Variants in EXOC4 observed in about 807,000 individuals in gnomAD.
The protein encoded by EXOC4 is SEC8-like 1.
EXOC4 carries 71 observed loss-of-function variants against 107.2 expected under a neutral mutation model. The observed-to-expected ratio is 0.66, with a 90% CI of 0.55 to 0.81. The LOEUF is 0.81. Among genes scored for constraint, EXOC4 ranks in the 30% least tolerant of loss-of-function variants. EXOC4 has a pLI of 0.00. For missense variants in EXOC4, 1,108 were observed against 1,189.6 expected, an observed-to-expected ratio of 0.93 and a Z score of 1.01; for synonymous variants, 456 against 441.2, an observed-to-expected ratio of 1.03 and a Z score of -0.42.
chr7:133,649,480 T>C (rs1562891233), intron 10 of EXOC4, among the ~76,000 whole-genome samples: 1 of 118,186 alleles, frequency 8.5e-6, no homozygotes, highest in African/African-American at 3.0e-5. Flanking sequence ...TTTTTTTTTT[T>C]TTTTTAACCA....
chr7:133,746,794 G>T (rs1795686404), intron 10 of EXOC4, among the ~76,000 whole-genome samples: 1 of 152,150 alleles, frequency 6.6e-6, no homozygotes, highest in African/African-American at 2.4e-5. Context: ...AGCCAGAGAT[G>T]CAGCCCATCT....
At chr7:133,560,182 A>G (rs1563108193) in intron 9 of EXOC4, among the ~76,000 whole-genome samples, 1 of 152,190 alleles carries the variant, frequency 6.6e-6, no homozygotes, top group Admixed American at 6.5e-5. Context: ...TAGAATCAGC[A>G]TGTCACGTTC....
the EXOC4 span, among the ~76,000 whole-genome samples, chr7:134,093,446 A>G: frequency 6.6e-6 from 1 of 152,206 alleles, no homozygotes; most frequent in Non-Finnish European, 1.5e-5. Flanking sequence ...GATCTACAAA[A>G]AGATTTTAGA....
intron 10 of EXOC4, among the ~76,000 whole-genome samples, chr7:133,743,992 G>A (rs1207194866): frequency 6.6e-6 from 1 of 152,064 alleles, no homozygotes; most frequent in Non-Finnish European, 1.5e-5. Flanking sequence ...CATTTTTTAT[G>A]TTCATTTACA....
intron 11 of EXOC4, among the ~76,000 whole-genome samples, chr7:133,842,124 G>C (rs1005753277): frequency 3.3e-5 from 5 of 152,182 alleles, no homozygotes; most frequent in Non-Finnish European, 7.4e-5. Flanking sequence ...ATGTTTGCAT[G>C]TGTCTTTATG....
At chr7:133,547,455 C>T (rs1219660552) in intron 9 of EXOC4, among the ~76,000 whole-genome samples, 6 of 152,098 alleles carry the variant, frequency 3.9e-5, no homozygotes, top group Non-Finnish European at 7.4e-5. Flanking sequence ...AATAAGGTAA[C>T]AATGAAGCTT....
intron 9 of EXOC4, among the ~76,000 whole-genome samples, chr7:133,531,379 C>T (rs887390434): frequency 5.3e-5 from 8 of 152,166 alleles, no homozygotes; most frequent in East Asian, 3.9e-4. Flanking sequence ...TGTAATAAAC[C>T]GTTTCATGTT....
intron 17 of EXOC4, among the ~76,000 whole-genome samples, chr7:134,056,139 AT>A (rs1795916497): frequency 6.6e-6 from 1 of 152,224 alleles, no homozygotes; most frequent in African/African-American, 2.4e-5. Flanking sequence ...TCACTAAAGT[AT>A]ATAATACAAT....
intron 10 of EXOC4, among the ~76,000 whole-genome samples, chr7:133,672,390 A>T (rs920343965): frequency 1.6e-5 from 2 of 129,018 alleles, no homozygotes; most frequent in African/African-American, 6.4e-5. Flanking sequence ...GACTCCGTTT[A>T]AAAAAAAAAA....
At chr7:134,042,030 A>C (rs1161775722) in intron 17 of EXOC4, among the ~76,000 whole-genome samples, 1 of 152,086 alleles carries the variant, frequency 6.6e-6, no homozygotes, top group Admixed American at 6.6e-5. Context: ...AATATGTAGC[A>C]GCATTTGTGG....
At chr7:133,680,534 G>A (rs1794164567) in intron 10 of EXOC4, among the ~76,000 whole-genome samples, 1 of 152,146 alleles carries the variant, frequency 6.6e-6, no homozygotes, top group African/African-American at 2.4e-5. Context: ...GCAGTTCCCA[G>A]AGTCTCAGGA....
At chr7:133,596,518 T>C (rs1053397350) in intron 9 of EXOC4, among the ~76,000 whole-genome samples, 3 of 152,206 alleles carry the variant, frequency 2.0e-5, no homozygotes, top group African/African-American at 7.2e-5. Flanking sequence ...TGGAGCTTGG[T>C]AAAAGAATGA....
chr7:133,330,902 T>C (rs1462838714), intron 5 of EXOC4, among the ~76,000 whole-genome samples: 1 of 151,472 alleles, frequency 6.6e-6, no homozygotes, highest in Non-Finnish European at 1.5e-5. Flanking sequence ...TATTCGGCCA[T>C]CTTGCCAGCA....
intron 17 of EXOC4, among the ~76,000 whole-genome samples, chr7:134,027,998 T>G (rs1435275871): frequency 6.6e-6 from 1 of 152,200 alleles, no homozygotes; most frequent in Non-Finnish European, 1.5e-5. Flanking sequence ...CAGACTCATG[T>G]CAGGAGCTCT....
At chr7:133,615,806 A>C (rs1338738113) in intron 9 of EXOC4, among the ~76,000 whole-genome samples, 6 of 152,174 alleles carry the variant, frequency 3.9e-5, no homozygotes, top group Non-Finnish European at 5.9e-5. Flanking sequence ...ATTTTAATAA[A>C]AGCTTTATCT....
intron 10 of EXOC4, among the ~76,000 whole-genome samples, chr7:133,765,450 G>A (rs1252401107): frequency 6.6e-6 from 1 of 151,982 alleles, no homozygotes; most frequent in Non-Finnish European, 1.5e-5. Flanking sequence ...CTATAAGGAT[G>A]GTAGGCTTGG....
intron 10 of EXOC4, among the ~76,000 whole-genome samples, chr7:133,788,291 C>A (rs1359387084): frequency 6.6e-6 from 1 of 151,740 alleles, no homozygotes. Flanking sequence ...AATCTCTCCT[C>A]TCAACTCTCA....
chr7:133,558,056 TTG>T (rs1366477070), intron 9 of EXOC4, among the ~76,000 whole-genome samples: 2 of 152,200 alleles, frequency 1.3e-5, no homozygotes, highest in Non-Finnish European at 2.9e-5. Context: ...CCCTCATGCA[TTG>T]TTTCTGACCT....
intron 10 of EXOC4, among the ~76,000 whole-genome samples, chr7:133,651,376 A>G (rs1803147650): frequency 6.6e-6 from 1 of 151,328 alleles, no homozygotes; most frequent in African/African-American, 2.4e-5. Flanking sequence ...AAAAAACACA[A>G]CACCTATAGT....
Sources: allele counts gnomAD v4.1 joint callset (sites outside exome capture counted in the v4.1 genomes callset), GRCh38; gene constraint gnomAD v4.1.1; transcripts MANE v1.5; gene names NCBI Gene and HGNC (gene_info 2026-07-23, HGNC 2026-07-21).